Variants in ITGAX observed in about 807,000 individuals in gnomAD.
ITGAX encodes the protein integrin subunit alpha X.
In ITGAX, 99 loss-of-function variants were observed where a neutral mutation model predicts 140.2. That is an observed-to-expected ratio of 0.71 (90% CI 0.60 to 0.83). The LOEUF is 0.83. ITGAX is among the 40% of genes least tolerant of loss of function. The pLI is 0.00. For missense variants in ITGAX, 1,444 were observed against 1,482.0 expected (o/e 0.97, Z 0.42); for synonymous variants, 631 against 600.4 (o/e 1.05, Z -0.75).
chr16:31,366,435 A>G (rs1475897207), intron 14 of ITGAX, among the ~76,000 whole-genome samples: 1 of 152,146 alleles, frequency 6.6e-6, no homozygotes, highest in Non-Finnish European at 1.5e-5. Flanking sequence ...CCTGCAATGC[A>G]ATGATATTGA....
At chr16:31,371,306 T>C (rs759883711) in intron 15 of ITGAX, 28 bp from the exon 16 acceptor site, 103 of 1,611,670 alleles carry the variant, frequency 6.4e-5, no homozygotes, top group Non-Finnish European at 8.7e-5. Context: ...GCCGACGGCC[T>C]GTCCTCAGCT....
In ITGAX at chr16:31,373,376, G is replaced by A. The variant is rs373047580; in HGVS notation, c.2494G>A (p.Val832Met). 42 of 1,611,592 alleles carry A rather than the reference G, an allele frequency of 2.6e-5. No homozygotes were observed. In the East Asian group the frequency reaches 4.2e-4, roughly 16 times the overall value. ...SHPAGLSYRY[V>M]AEGQKQGQLR... ...CCCCGCAGGACTGTCCTACCGCTACGTGGCAGAGGGCCAGGTGCACCCTCT... is the reference window on the plus strand; with the variant it reads ...CCCCGCAGGACTGTCCTACCGCTACATGGCAGAGGGCCAGGTGCACCCTCT... Residue 832 changes from valine to methionine, a missense_variant, in exon 20 of 30, where the codon GTG becomes ATG. Val to Met is a conservative substitution (Grantham distance 21). Transcript: ENST00000268296.
Position 31,371,400 on chromosome 16 carries a change from G to A in ITGAX, c.1908G>A (p.Ala636=), listed in dbSNP as rs773833533. 26 of 1,614,096 alleles carry A rather than the reference G, an allele frequency of 1.6e-5. No homozygotes were observed. Among genetic ancestry groups the A allele is most frequent in the East Asian group, 2.2e-5 (1 of 44,894 alleles). ...QFIPAEIPRS[A]FECREQVVSE... ...TACCTGCCGAGATCCCCAGGTCTGCGTTTGAGTGTCGGGAGCAGGTGGTCT... is the reference window on the plus strand; with the variant it reads ...TACCTGCCGAGATCCCCAGGTCTGCATTTGAGTGTCGGGAGCAGGTGGTCT... Residue 636 remains alanine, a synonymous_variant, in exon 16 of 30, where the codon GCG becomes GCA. Transcript: ENST00000268296.
In ITGAX at chr16:31,380,940, C is replaced by G. The variant is rs780712390; in HGVS notation, c.3320C>G (p.Pro1107Arg). Residue 1107 changes from proline to arginine, a missense_variant, in exon 29 of 30, where the codon CCC (proline) becomes CGC (arginine). Physicochemically the swap from Pro to Arg is moderately radical, Grantham distance 103 (BLOSUM62 -2). Coordinates refer to ENST00000268296, the MANE Select transcript of ITGAX (RefSeq NM_000887.5). ...AAGTACAAGGTCCACAACCCCACCCCCCTCATCGTAGGCAGCTCCATTGGG... is the reference window on the plus strand; with the variant it reads ...AAGTACAAGGTCCACAACCCCACCCGCCTCATCGTAGGCAGCTCCATTGGG... ...LEKYKVHNPTPLIVGSSIGGL... is the reference protein window; with the variant it reads ...LEKYKVHNPTRLIVGSSIGGL... 2.3e-5 allele frequency: 37 copies of G among 1,614,034 alleles called. No homozygotes were observed. Among genetic ancestry groups the G allele is most frequent in the Admixed American group, 5.0e-5 (3 of 59,986 alleles).
chr16:31,379,425 C>G lies in ITGAX; in HGVS notation c.2790-143C>G, dbSNP rs903837016. ...AGCCACCGCGCCTGGCCTCTAAACTCTCTTATAACCTAACTCAGCCACAGC... is the reference window on the plus strand; with the variant it reads ...AGCCACCGCGCCTGGCCTCTAAACTGTCTTATAACCTAACTCAGCCACAGC... On this transcript the variant is annotated intron_variant, in intron 23 of 29. Transcript: ENST00000268296. 19 of 780,100 alleles carry G rather than the reference C, an allele frequency of 2.4e-5. No homozygotes were observed. In the African/African-American group the frequency reaches 3.1e-4, roughly 13 times the overall value. The allele number at this position is 780,100 out of a possible 1,614,324, so 48.3% of individuals were successfully genotyped here.
Position 31,380,999 on chromosome 16 carries a change from C to T in ITGAX, c.3379C>T (p.Leu1127=), listed in dbSNP as rs753475662. Residue 1127 remains leucine, a synonymous_variant, in exon 29 of 30, where the codon CTG becomes TTG. Transcript: ENST00000268296. ...LLLLALITAV[L]YKVGFFKRQY... is the part of the protein sequence containing the mutation. ...GCTGCTGGCACTCATCACAGCGGTACTGTACAAAGTGAGTGTTTTATGCCA... is the reference window on the plus strand; with the variant it reads ...GCTGCTGGCACTCATCACAGCGGTATTGTACAAAGTGAGTGTTTTATGCCA... 1 of 1,613,228 alleles carries T rather than the reference C, an allele frequency of 6.2e-7. No individual in the cohort carries two copies. Among genetic ancestry groups the T allele is most frequent in the Non-Finnish European group, 8.5e-7 (1 of 1,179,186 alleles).
At chr16:31,375,399 A>T (rs577255115) in intron 20 of ITGAX, among the ~76,000 whole-genome samples, 1 of 152,338 alleles carries the variant, frequency 6.6e-6, no homozygotes, top group South Asian at 2.1e-4. Flanking sequence ...ATGCAGCACA[A>T]AGGCCCTCAC....
intron 7 of ITGAX, 57 bp downstream of exon 7, chr16:31,360,122 C>T: frequency 1.9e-6 from 3 of 1,594,644 alleles, no homozygotes; most frequent in Non-Finnish European, 2.6e-6. Context: ...TCCCTTGGGC[C>T]TCATCTGTCT....
At chr16:31,360,891 G>C in intron 8 of ITGAX, 172 bp from the exon 9 acceptor site, 1 of 622,054 alleles carries the variant, frequency 1.6e-6, no homozygotes, top group Non-Finnish European at 2.8e-6. Context: ...CCAGACTGGA[G>C]ACCATGATCC....
intron 19 of ITGAX, among the ~76,000 whole-genome samples, 155 bp from the exon 20 acceptor site, chr16:31,373,094 T>C (rs2080986532): frequency 8.7e-6 from 1 of 114,300 alleles, no homozygotes; most frequent in South Asian, 2.9e-4. Context: ...CTCTGTCTCT[T>C]AAAAAAAAAG....
chr16:31,370,898 A>T (rs1275834388), intron 14 of ITGAX, among the ~76,000 whole-genome samples, 186 bp from the exon 15 acceptor site: 6 of 151,870 alleles, frequency 4.0e-5, no homozygotes, highest in Admixed American at 3.9e-4. Flanking sequence ...CCACTCTTAC[A>T]TCTGTTTCTT....
chr16:31,364,426 C>CAAAAAAAAAAAAAAAAAAAAAA, intron 14 of ITGAX, among the ~76,000 whole-genome samples: 1 of 42,456 alleles, frequency 2.4e-5, no homozygotes, highest in Non-Finnish European at 5.3e-5. Context: ...AATCCCGTGT[C>CAAAAAAAAAAAAAAAAAAAAAA]AAAAAAAAAA....
In ITGAX at chr16:31,379,641, T is replaced by C. The variant is rs2081049708; in HGVS notation, c.2863T>C (p.Tyr955His). ...GGAAAGCCATGTGGCCATGCACAGA[T>C]ACCAGGCAGGTGGTGGAGACGCAGG... ...EKESHVAMHR[Y>H]QVNNLGQRDL... Residue 955 changes from tyrosine to histidine, a missense_variant, in exon 24 of 30, where the codon TAC becomes CAC. By Grantham distance (83) the Tyr-to-His change is moderately conservative (BLOSUM62 2). Coordinates refer to ENST00000268296, the MANE Select transcript of ITGAX (RefSeq NM_000887.5). 1.3e-6 allele frequency: 2 copies of C among 1,564,116 alleles called. No homozygotes were observed. Among genetic ancestry groups the C allele is most frequent in the Non-Finnish European group, 1.7e-6 (2 of 1,153,476 alleles).
rs758096156 is a variant in ITGAX, at chr16:31,362,995, G to A, written c.1420G>A (p.Asp474Asn). The stretch of plus-strand genomic sequence containing the variant: ...GGACGTAGACAGCGACGGCAGCACC[G>A]ACCTGGTCCTCATCGGGGCCCCCCA... ...SVDVDSDGST[D>N]LVLIGAPHYY... is the part of the protein sequence containing the mutation. Residue 474 changes from aspartate (D) to asparagine (N), a missense_variant, in exon 13 of 30, where the codon GAC becomes AAC. Asp to Asn is a conservative substitution (Grantham distance 23). Coordinates refer to ENST00000268296, the MANE Select transcript of ITGAX (RefSeq NM_000887.5). 1.9e-6 allele frequency: 3 copies of A among 1,611,488 alleles called. No homozygotes were observed. Among genetic ancestry groups the A allele is most frequent in the Non-Finnish European group, 1.7e-6 (2 of 1,179,676 alleles).
rs137858830 is a variant in ITGAX at position 31,380,988 on chromosome 16, T to C, written c.3368T>C (p.Ile1123Thr). 234 of 1,613,714 alleles carry C rather than the reference T, an allele frequency of 1.5e-4. No individual in the cohort carries two copies. Among genetic ancestry groups the C allele is most frequent in the Non-Finnish European group, 1.8e-4 (214 of 1,179,792 alleles). Residue 1123 changes from isoleucine to threonine, a missense_variant, in exon 29 of 30, where the codon ATC becomes ACC. Physicochemically the swap from Ile to Thr is moderately conservative, Grantham distance 89 (BLOSUM62 -1). Transcript: ENST00000268296. ...GGGGGTCTGTTGCTGCTGGCACTCATCACAGCGGTACTGTACAAAGTGAGT... is the reference window on the plus strand; with the variant it reads ...GGGGGTCTGTTGCTGCTGGCACTCACCACAGCGGTACTGTACAAAGTGAGT... ...SIGGLLLLAL[I>T]TAVLYKVGFF...
At chr16:31,360,486 A>G in intron 8 of ITGAX, 23 bp downstream of exon 8, 1 of 1,581,680 alleles carries the variant, frequency 6.3e-7, no homozygotes, top group Non-Finnish European at 8.6e-7. Context: ...ATGGCTTCCC[A>G]CTTCTCCCAC....
chr16:31,356,067 G>A, intron 2 of ITGAX, 69 bp downstream of exon 2: 1 of 1,094,950 alleles, frequency 9.1e-7, no homozygotes, highest in Non-Finnish European at 1.4e-6. Flanking sequence ...CATGCCCCCG[G>A]CCCTGCCCTG....
At chr16:31,379,712 AT>A in intron 24 of ITGAX, 44 bp from the exon 25 acceptor site, 1 of 1,597,088 alleles carries the variant, frequency 6.3e-7, no homozygotes, top group African/African-American at 1.3e-5. Context: ...CTGGGGAGGG[AT>A]TTGGGCTTTG....
rs1331390319 is a variant in ITGAX, at chr16:31,371,132, G to A, written c.1759G>A (p.Ala587Thr). The change falls in exon 15 of 30, where the codon GCA becomes ACA. Residue 587 changes from alanine to threonine, a missense_variant. Physicochemically the swap from Ala to Thr is moderately conservative, Grantham distance 58. Coordinates refer to ENST00000268296, the MANE Select transcript of ITGAX (RefSeq NM_000887.5). ...CTCCAGGCTGCAGTATTTTGGGCAGGCACTGAGCGGGGGTCAAGACCTCAC... is the reference window on the plus strand; with the variant it reads ...CTCCAGGCTGCAGTATTTTGGGCAGACACTGAGCGGGGGTCAAGACCTCAC... ...LSSRLQYFGQ[A>T]LSGGQDLTQD... 3 of 1,614,102 alleles carry A rather than the reference G, an allele frequency of 1.9e-6. No individual in the cohort carries two copies. Among genetic ancestry groups the A allele is most frequent in the Non-Finnish European group, 2.5e-6 (3 of 1,180,012 alleles).
Sources: gnomAD v4.1 joint callset for allele counts (sites outside exome capture counted in the v4.1 genomes callset) on GRCh38, gnomAD v4.1.1 for gene constraint, MANE v1.5 for transcripts, NCBI Gene and HGNC (gene_info 2026-07-23, HGNC 2026-07-21) for gene names.